DTWD2: variants seen among roughly 807,000 people sequenced by gnomAD.
DTWD2 encodes the protein tRNA-uridine aminocarboxypropyltransferase 2.
A neutral mutation model predicts 31.8 loss-of-function variants in DTWD2; 39 were observed. That is an observed-to-expected ratio of 1.22 (90% CI 0.95 to 1.60). The LOEUF (loss-of-function observed/expected upper bound fraction) is 1.60. Ranked by LOEUF, DTWD2 falls within the 40% of genes most tolerant of loss-of-function variation. The pLI is 0.00. For missense variants in DTWD2, 515 were observed against 381.5 expected, an observed-to-expected ratio of 1.35 and a Z score of -2.92; for synonymous variants, 180 against 142.8, an observed-to-expected ratio of 1.26 and a Z score of -1.86.
At chr5:118,847,213 G>A (rs1211124351) in intron 5 of DTWD2, among the ~76,000 whole-genome samples, 1 of 151,920 alleles carries the variant, frequency 6.6e-6, no homozygotes, top group African/African-American at 2.4e-5. Flanking sequence ...ACTCATAACT[G>A]TAACCATAAT....
At chr5:118,934,300 A>AG (rs1368378659) in intron 3 of DTWD2, among the ~76,000 whole-genome samples, 1 of 144,558 alleles carries the variant, frequency 6.9e-6, no homozygotes, top group Non-Finnish European at 1.5e-5. Flanking sequence ...AAAAAAAAAA[A>AG]AGCAAAGAAT....
rs563353546 is a variant in DTWD2, at chr5:118,958,668, A to G, written c.219-14019T>C. Among the ~76,000 whole-genome samples, 163 of 152,206 alleles carry G rather than the reference A, an allele frequency of 1.1e-3. 1 individual carries two copies. The highest frequency in any genetic ancestry group is 3.3e-3 in the African/African-American group (138 of 41,552). On this transcript the variant is annotated intron_variant, in intron 1 of 5. Coordinates refer to ENST00000510708, the MANE Select transcript of DTWD2 (RefSeq NM_173666.4). ...GAAGAAATGGAACCTACAAGCCAAT[A>G]TCCTTGATGAACATAAATGCAAAAA...
chr5:118,975,441 G>T (rs1369323456), intron 1 of DTWD2, among the ~76,000 whole-genome samples: 1 of 151,924 alleles, frequency 6.6e-6, no homozygotes, highest in Non-Finnish European at 1.5e-5. Context: ...TTTTTTCAAG[G>T]TTCTTAGCTT....
At chr5:118,858,712 T>C (rs1218050998) in intron 4 of DTWD2, among the ~76,000 whole-genome samples, 2 of 152,210 alleles carry the variant, frequency 1.3e-5, no homozygotes, top group African/African-American at 2.4e-5. Context: ...AGCTTCTGTA[T>C]ACAAGCATAG....
At chr5:118,845,153 A>C (rs1751820742) in intron 5 of DTWD2, among the ~76,000 whole-genome samples, 1 of 152,170 alleles carries the variant, frequency 6.6e-6, no homozygotes, top group African/African-American at 2.4e-5. Flanking sequence ...TTGGAAAAGA[A>C]AAAGAAAAAA....
At chr5:118,883,851 T>C (rs749282852) in intron 4 of DTWD2, among the ~76,000 whole-genome samples, 1 of 152,116 alleles carries the variant, frequency 6.6e-6, no homozygotes, top group Non-Finnish European at 1.5e-5. Flanking sequence ...TATTTCAAAA[T>C]CTTTTTACAG....
Position 118,840,905 on chromosome 5 carries a change from A to G in DTWD2, c.*12T>C, listed in dbSNP as rs753713528. The stretch of plus-strand genomic sequence containing the variant: ...TGAAGACAGTTAAGCTAGCACCAAA[A>G]GAATAACTGTACTAAATTTTAACAC... On this transcript the variant is annotated 3_prime_UTR_variant, in exon 6 of 6. Coordinates refer to ENST00000510708, the MANE Select transcript of DTWD2 (RefSeq NM_173666.4). The G allele has an allele frequency of 6.2e-7, 1 of 1,609,514 alleles. No homozygotes were observed. Among genetic ancestry groups the G allele is most frequent in the African/African-American group, 1.3e-5 (1 of 74,772 alleles).
At chr5:118,872,093 T>C (rs1038870135) in intron 4 of DTWD2, among the ~76,000 whole-genome samples, 1 of 152,224 alleles carries the variant, frequency 6.6e-6, no homozygotes, top group Non-Finnish European at 1.5e-5. Context: ...ACTTTTCTCC[T>C]GTAGCTTCAT....
intron 1 of DTWD2, among the ~76,000 whole-genome samples, chr5:118,967,795 T>C (rs940822175): frequency 3.3e-5 from 5 of 152,096 alleles, no homozygotes; most frequent in Middle Eastern, 3.2e-3. Context: ...AGAATCACCA[T>C]CAGAGCACCA....
At chr5:118,966,181 A>G (rs76003959) in intron 1 of DTWD2, among the ~76,000 whole-genome samples, 119 of 152,288 alleles carry the variant, frequency 7.8e-4, no homozygotes, top group Non-Finnish European at 9.3e-4. Flanking sequence ...TTCTCCTAAC[A>G]TCTGTATTAG....
At chr5:118,898,830 A>C (rs1337805416) in intron 4 of DTWD2, among the ~76,000 whole-genome samples, 1 of 152,230 alleles carries the variant, frequency 6.6e-6, no homozygotes, top group Non-Finnish European at 1.5e-5. Flanking sequence ...CATTTAGTTT[A>C]AGAGGAAAAG....
intron 4 of DTWD2, among the ~76,000 whole-genome samples, chr5:118,885,985 A>G (rs73236990): frequency 0.011 from 1,650 of 152,166 alleles, 34 homozygotes; most frequent in African/African-American, 0.038. Flanking sequence ...AGAAACACAC[A>G]CACACAAAAA....
At chr5:118,958,017 C>T (rs943015751) in intron 1 of DTWD2, among the ~76,000 whole-genome samples, 13 of 152,144 alleles carry the variant, frequency 8.5e-5, no homozygotes, top group African/African-American at 2.7e-4. Context: ...TATTAAAATG[C>T]ACCCTAATTT....
chr5:118,851,368 G>A (rs188676571), intron 4 of DTWD2, among the ~76,000 whole-genome samples: 180 of 151,832 alleles, frequency 1.2e-3, no homozygotes, highest in African/African-American at 4.1e-3. Flanking sequence ...CATCTGGGCC[G>A]CCGGGGGCAA....
intron 4 of DTWD2, among the ~76,000 whole-genome samples, chr5:118,870,952 C>T (rs1094604): frequency 0.62 from 92,614 of 148,650 alleles, 30,215 homozygotes; most frequent in African/African-American, 0.84. Context: ...ATATAATGTA[C>T]ATATAACATA....
At chr5:118,888,747 C>G (rs930477714) in intron 4 of DTWD2, among the ~76,000 whole-genome samples, 1 of 152,226 alleles carries the variant, frequency 6.6e-6, no homozygotes, top group African/African-American at 2.4e-5. Flanking sequence ...TTCAGTTACT[C>G]TCCACAGCTT....
At chr5:118,847,204 C>A (rs1751878224) in intron 5 of DTWD2, among the ~76,000 whole-genome samples, 1 of 151,982 alleles carries the variant, frequency 6.6e-6, no homozygotes, top group South Asian at 2.1e-4. Context: ...TTAAGGCATA[C>A]TCATAACTGT....
intron 1 of DTWD2, among the ~76,000 whole-genome samples, chr5:118,958,368 G>A (rs1754634190): frequency 6.6e-6 from 1 of 152,102 alleles, no homozygotes; most frequent in South Asian, 2.1e-4. Flanking sequence ...TGAGGCAGGA[G>A]AATGGCGTGA....
At chr5:118,849,318 A>G (rs1483400824) in intron 4 of DTWD2, among the ~76,000 whole-genome samples, 1 of 152,246 alleles carries the variant, frequency 6.6e-6, no homozygotes, top group Non-Finnish European at 1.5e-5. Context: ...AATCAAAACC[A>G]CAATGAGATA....
Sources: gnomAD v4.1 joint callset for allele counts (sites outside exome capture counted in the v4.1 genomes callset) on GRCh38, gnomAD v4.1.1 for gene constraint, MANE v1.5 for transcripts, NCBI Gene and HGNC (gene_info 2026-07-23, HGNC 2026-07-21) for gene names.